XKR6: variants seen among roughly 807,000 people sequenced by gnomAD.
The protein encoded by XKR6 is XK related 6.
In XKR6, 22 loss-of-function variants were observed where a neutral mutation model predicts 56.7. The observed-to-expected ratio is 0.39, with a 90% confidence interval of 0.28 to 0.55. The LOEUF (loss-of-function observed/expected upper bound fraction) is 0.55, where lower values mean the gene tolerates loss of function less well. Among genes scored for constraint, XKR6 ranks in the 20% least tolerant of loss-of-function variants. The pLI, the probability that XKR6 is intolerant of heterozygous loss-of-function variation, is 0.66. For missense variants in XKR6, 852 were observed against 889.0 expected (o/e 0.96, Z 0.53); for synonymous variants, 524 against 387.8 (o/e 1.35, Z -4.13).
chr8:11,097,933 C>T (rs145448907), intron 1 of XKR6, among the ~76,000 whole-genome samples: 10 of 150,694 alleles, frequency 6.6e-5, no homozygotes, highest in African/African-American at 2.2e-4. Context: ...GATGAGAATT[C>T]ACGTGGAAGT....
chr8:10,941,572 C>T (rs1801387483), intron 1 of XKR6, among the ~76,000 whole-genome samples: 1 of 152,226 alleles, frequency 6.6e-6, no homozygotes, highest in Non-Finnish European at 1.5e-5. Flanking sequence ...TTGCCCTGCA[C>T]TGGGTCCCCA....
intron 1 of XKR6, among the ~76,000 whole-genome samples, chr8:11,095,971 A>G (rs1244677146): frequency 1.3e-5 from 2 of 152,264 alleles, no homozygotes; most frequent in African/African-American, 4.8e-5. Context: ...TTTAACCACA[A>G]GAGCAGAAGA....
intron 1 of XKR6, among the ~76,000 whole-genome samples, chr8:10,972,260 T>G (rs934866801): frequency 6.6e-6 from 1 of 152,194 alleles, no homozygotes; most frequent in African/African-American, 2.4e-5. Context: ...AAAAACAACA[T>G]GAAATTCGGG....
At chr8:10,908,742 T>C (rs1167451786) in intron 2 of XKR6, among the ~76,000 whole-genome samples, 1 of 152,196 alleles carries the variant, frequency 6.6e-6, no homozygotes, top group African/African-American at 2.4e-5. Context: ...TAATCACCAT[T>C]ACAGCATTGT....
chr8:10,921,880 C>T (rs1406506250), intron 2 of XKR6, among the ~76,000 whole-genome samples: 1 of 152,196 alleles, frequency 6.6e-6, no homozygotes, highest in South Asian at 2.1e-4. Context: ...GTGTCCCCTC[C>T]AAAGTTCAGA....
intron 1 of XKR6, among the ~76,000 whole-genome samples, chr8:11,076,816 T>A (rs781048018): frequency 1.3e-5 from 2 of 152,174 alleles, no homozygotes; most frequent in Non-Finnish European, 2.9e-5. Context: ...CACTGCTACC[T>A]TGAATCCCAA....
At chr8:10,916,588 G>A (rs1050177708) in intron 2 of XKR6, among the ~76,000 whole-genome samples, 6 of 152,200 alleles carry the variant, frequency 3.9e-5, no homozygotes, top group Non-Finnish European at 7.3e-5. Flanking sequence ...GCTAAGAGTC[G>A]GGCCCCTCGG....
chr8:11,053,014 G>C (rs1052832296), intron 1 of XKR6, among the ~76,000 whole-genome samples: 1 of 152,182 alleles, frequency 6.6e-6, no homozygotes, highest in Non-Finnish European at 1.5e-5. Flanking sequence ...GCACTGCGCG[G>C]GGTCCAGCCT....
At chr8:10,909,899 T>A (rs369087955) in intron 2 of XKR6, among the ~76,000 whole-genome samples, 2 of 152,072 alleles carry the variant, frequency 1.3e-5, no homozygotes, top group Non-Finnish European at 2.9e-5. Flanking sequence ...GAGGAAGGAA[T>A]TGAGGCTCAG....
intron 1 of XKR6, chr8:11,195,123 C>T (rs867403212): frequency 1.4e-6 from 1 of 702,934 alleles, no homozygotes; most frequent in African/African-American, 1.7e-5. Flanking sequence ...CTGGATTTTT[C>T]AGATGGGAGG....
At chr8:11,099,849 T>C (rs1261003589) in intron 1 of XKR6, among the ~76,000 whole-genome samples, 2 of 152,124 alleles carry the variant, frequency 1.3e-5, no homozygotes, top group East Asian at 3.9e-4. Flanking sequence ...GGTGCCACTC[T>C]AGACAGGCTG....
In XKR6 at chr8:10,962,748, C is replaced by T. The variant is rs1376239604; in HGVS notation, c.765-37918G>A. 2.0e-5 allele frequency among the ~76,000 whole-genome samples: 3 copies of T among 152,122 alleles called. No individual in the cohort carries two copies. In the South Asian group the frequency reaches 6.2e-4, roughly 32 times the overall value. On this transcript the variant is annotated intron_variant, in intron 1 of 2. Coordinates refer to ENST00000416569, the MANE Select transcript of XKR6 (RefSeq NM_173683.4). ...TCAAGCAATTCTCCTGCCTCAGCCT[C>T]CCAAGTAGCTGGGATTACAGGCCCC...
intron 1 of XKR6, among the ~76,000 whole-genome samples, chr8:10,966,972 G>A (rs1288696819): frequency 4.6e-5 from 7 of 152,062 alleles, no homozygotes; most frequent in Admixed American, 3.3e-4. Context: ...GAGAACCATG[G>A]GTCTAGAGCC....
At chr8:10,937,620 G>A (rs1404315110) in intron 1 of XKR6, among the ~76,000 whole-genome samples, 25 of 150,084 alleles carry the variant, frequency 1.7e-4, no homozygotes, top group Non-Finnish European at 2.4e-4. Context: ...CCTTCTAACA[G>A]ACAGCACCCT....
chr8:11,002,423 C>T, intron 1 of XKR6: 1 of 405,820 alleles, frequency 2.5e-6, no homozygotes, highest in Non-Finnish European at 5.2e-6. Context: ...GGCCCGCGTG[C>T]AGCAGTACAC....
intron 1 of XKR6, among the ~76,000 whole-genome samples, chr8:11,156,341 C>T (rs1476919331): frequency 6.6e-6 from 1 of 152,216 alleles, no homozygotes; most frequent in African/African-American, 2.4e-5. Context: ...CTGCAGCTTT[C>T]CCTACCATCT....
chr8:11,193,492 T>A (rs943084826), intron 1 of XKR6, among the ~76,000 whole-genome samples: 1 of 152,194 alleles, frequency 6.6e-6, no homozygotes. Flanking sequence ...TTAATGTCAC[T>A]GTAACAATAG....
At chr8:11,027,021 G>C (rs1317749088) in intron 1 of XKR6, among the ~76,000 whole-genome samples, 1 of 152,044 alleles carries the variant, frequency 6.6e-6, no homozygotes, top group African/African-American at 2.4e-5. Context: ...CTTAGATGCT[G>C]TTGCCTACTA....
At chr8:11,192,282 C>A (rs1324035096) in intron 1 of XKR6, among the ~76,000 whole-genome samples, 1 of 152,086 alleles carries the variant, frequency 6.6e-6, no homozygotes, top group Non-Finnish European at 1.5e-5. Context: ...CCTCAGCCTC[C>A]TGAGTAGCTG....
Sources: allele counts gnomAD v4.1 joint callset (sites outside exome capture counted in the v4.1 genomes callset), GRCh38; gene constraint gnomAD v4.1.1; transcripts MANE v1.5; gene names NCBI Gene and HGNC (gene_info 2026-07-23, HGNC 2026-07-21).